LETM1: variants seen among roughly 807,000 people sequenced by gnomAD.
LETM1 encodes the protein leucine zipper and EF-hand containing transmembrane protein 1, also known as mitochondrial proton/calcium exchanger protein.
LETM1 carries 50 observed loss-of-function variants against 74.5 expected under a neutral mutation model. The observed-to-expected ratio is 0.67, with a 90% CI of 0.53 to 0.85. The LOEUF is 0.85. Ranked by LOEUF, LETM1 falls within the 40% of genes least tolerant of loss-of-function variation. The pLI is 0.00. For missense variants in LETM1, 824 were observed against 967.8 expected (o/e 0.85, Z 1.97); for synonymous variants, 446 against 407.1 (o/e 1.10, Z -1.15).
chr4:1,855,347 G>C (rs1337180362), intron 1 of LETM1, among the ~76,000 whole-genome samples: 2 of 152,160 alleles, frequency 1.3e-5, no homozygotes, highest in Non-Finnish European at 2.9e-5. Flanking sequence ...AGCGGCTCCG[G>C]AGTCCCCGTG....
chr4:1,822,490 C>G (rs1241434400), intron 9 of LETM1, 178 bp from the exon 10 acceptor site: 1 of 578,998 alleles, frequency 1.7e-6, no homozygotes, highest in East Asian at 3.5e-5. Context: ...GCCAGGTCAC[C>G]TGGGGCCCTC....
rs1279521860 is a variant in LETM1 at position 1,812,445 on chromosome 4, G to A, written c.*1979C>T. The A allele has an allele frequency of 6.7e-6, 1 of 149,644 alleles. No individual in the cohort carries two copies. The highest frequency in any genetic ancestry group is 1.5e-5 in the Non-Finnish European group (1 of 67,568). The allele number at this position is 149,644 out of a possible 1,614,324, so 9.3% of individuals were successfully genotyped here. A position where few individuals can be genotyped will look rare whatever the true frequency, so the allele number is the denominator to read the frequency against. ...CACTGAATTCCTAAATCAGGAATTCGTTTCATTTTCACCAGGCGCAGATAT... is the reference window on the plus strand; with the variant it reads ...CACTGAATTCCTAAATCAGGAATTCATTTCATTTTCACCAGGCGCAGATAT... On this transcript the variant is annotated 3_prime_UTR_variant, in exon 14 of 14. Transcript: ENST00000302787.
At chr4:1,851,255 T>A (rs893908518) in intron 1 of LETM1, among the ~76,000 whole-genome samples, 1 of 152,126 alleles carries the variant, frequency 6.6e-6, no homozygotes, top group Non-Finnish European at 1.5e-5. Flanking sequence ...GGTAGCACCC[T>A]GAGATGCCCA....
At chr4:1,820,808 G>A (rs1025677243) in intron 10 of LETM1, among the ~76,000 whole-genome samples, 2 of 152,172 alleles carry the variant, frequency 1.3e-5, no homozygotes, top group Non-Finnish European at 2.9e-5. Flanking sequence ...AGGATCACTT[G>A]AGGTCAGGAG....
chr4:1,821,189 T>C (rs923301737), intron 10 of LETM1, among the ~76,000 whole-genome samples: 3 of 151,106 alleles, frequency 2.0e-5, no homozygotes, highest in Admixed American at 6.6e-5. Flanking sequence ...GCCTCCCAGG[T>C]TCACACCATT....
intron 1 of LETM1, 34 bp downstream of exon 1, chr4:1,855,832 CGGG>C (rs1713222396): frequency 8.4e-7 from 1 of 1,183,750 alleles, no homozygotes; most frequent in African/African-American, 1.6e-5. Flanking sequence ...ACCCACCAGC[CGGG>C]AGCCGGCCCC....
rs748865529 is a variant in LETM1 at position 1,834,817 on chromosome 4, T to C, written c.876+28A>G. On this transcript the variant is annotated intron_variant, in intron 5 of 13. Transcript: ENST00000302787. The surrounding 1 kb of genome is among the most constrained non-coding windows in gnomAD (Gnocchi z 5.0). ...AATCAGGGAAGGCTCCCTGGTGAGG[T>C]CACAGGGACTCAGACGTATCACAGC... 2 of 1,612,670 alleles carry C rather than the reference T, an allele frequency of 1.2e-6. No homozygotes were observed. Among genetic ancestry groups the C allele is most frequent in the African/African-American group, 1.3e-5 (1 of 74,984 alleles).
intron 6 of LETM1, among the ~76,000 whole-genome samples, chr4:1,829,337 A>G (rs371348926): frequency 0.02 from 2,400 of 122,740 alleles, 57 homozygotes; most frequent in African/African-American, 0.059. Flanking sequence ...GCGGCTGGCC[A>G]GGCGGAGGGC....
chr4:1,815,611 C>A, intron 13 of LETM1, 53 bp downstream of exon 13: 2 of 1,602,432 alleles, frequency 1.2e-6, no homozygotes, highest in African/African-American at 1.3e-5. Flanking sequence ...CCCTGCCCCA[C>A]CCCACTCCAG....
At chr4:1,839,190 A>T (rs1270980152) in intron 3 of LETM1, 1 of 152,236 alleles carries the variant, frequency 6.6e-6, no homozygotes, top group East Asian at 1.9e-4. Context: ...AGGACAAACC[A>T]GGAGCCCCGA....
intron 13 of LETM1, among the ~76,000 whole-genome samples, chr4:1,815,316 C>T: frequency 6.6e-6 from 1 of 152,182 alleles, no homozygotes; most frequent in East Asian, 1.9e-4. Context: ...GAAGTGCCCC[C>T]AGGCTCCCTG....
At chr4:1,845,894 G>T (rs1358884616) in intron 2 of LETM1, among the ~76,000 whole-genome samples, 2 of 151,858 alleles carry the variant, frequency 1.3e-5, no homozygotes, top group Admixed American at 1.3e-4. Context: ...CTCTCCCTCA[G>T]TTGCCCAGGC....
chr4:1,811,523 A>G lies in LETM1; in HGVS notation c.*2901T>C, dbSNP rs1382201142. ...ATGTTTTAATAAAAATACGATTTCT[A>G]CAAAAGGTGCTTAACACGGCCCAGG... On this transcript the variant is annotated 3_prime_UTR_variant, in exon 14 of 14. Transcript: ENST00000302787. The G allele has an allele frequency of 1.3e-5, 2 of 152,400 alleles. No homozygotes were observed. The highest frequency in any genetic ancestry group is 6.5e-5 in the Admixed American group (1 of 15,294). 9.4% of individuals were successfully genotyped at this position (152,400 alleles called of 1,614,324 possible). A position where few individuals can be genotyped will look rare whatever the true frequency, so the allele number is the denominator to read the frequency against.
chr4:1,837,276 G>A (rs1324658382), intron 3 of LETM1, among the ~76,000 whole-genome samples: 1 of 152,124 alleles, frequency 6.6e-6, no homozygotes, highest in African/African-American at 2.4e-5. Context: ...CGCCCTGAGA[G>A]CAGCAATGTC....
intron 10 of LETM1, among the ~76,000 whole-genome samples, chr4:1,820,369 C>T (rs1711736313): frequency 6.6e-6 from 1 of 152,250 alleles, no homozygotes; most frequent in Non-Finnish European, 1.5e-5. Flanking sequence ...TCTCTGACTA[C>T]TCATTACCAT....
chr4:1,848,277 G>A lies in LETM1; in HGVS notation c.143+872C>T, dbSNP rs567676197. On this transcript the variant is annotated intron_variant, in intron 2 of 13. Transcript: ENST00000302787. ...AAATTAGCCAGGTGCGGCCGGACGC[G>A]GTGGCTCATGCCTGTAATCCCAGCA... 3.3e-5 allele frequency among the ~76,000 whole-genome samples: 5 copies of A among 152,090 alleles called. No individual in the cohort carries two copies. The South Asian group carries it at 6.2e-4, about 19-fold the overall frequency.
intron 2 of LETM1, among the ~76,000 whole-genome samples, chr4:1,847,225 C>G (rs553531748): frequency 3.4e-4 from 52 of 152,048 alleles, no homozygotes; most frequent in Admixed American, 3.1e-3. Flanking sequence ...CCTGTAGTCC[C>G]AGCTACTCAG....
chr4:1,826,243 G>A (rs1332807930), intron 6 of LETM1, among the ~76,000 whole-genome samples: 1 of 152,202 alleles, frequency 6.6e-6, no homozygotes, highest in Non-Finnish European at 1.5e-5. Flanking sequence ...GCAGATGCCG[G>A]CAACAGGGCT....
Position 1,841,769 on chromosome 4 carries a change from TG to T in LETM1, c.171del (p.Ile58SerfsTer18). 1 of 1,613,562 alleles carries T rather than the reference TG, an allele frequency of 6.2e-7. No homozygotes were observed. The highest frequency in any genetic ancestry group is 8.5e-7 in the Non-Finnish European group (1 of 1,179,930). ...CLNVPFGCCT[P>X]IHPVYTSSRG... Reference sequence around the variant, plus strand: ...CTGGAGGATGTGTACACAGGGTGGATGGGAGTGCAGCAGCCAAATGGAACAT... The same window carrying T: ...CTGGAGGATGTGTACACAGGGTGGATGGAGTGCAGCAGCCAAATGGAACAT... On this transcript the variant is annotated frameshift_variant, in exon 3 of 14. Transcript: ENST00000302787. LOFTEE classifies it high-confidence loss of function.
Sources: allele counts gnomAD v4.1 joint callset (sites outside exome capture counted in the v4.1 genomes callset), GRCh38; gene constraint gnomAD v4.1.1; non-coding constraint Gnocchi (gnomAD v3.1); transcripts MANE v1.5; gene names NCBI Gene and HGNC (gene_info 2026-07-23, HGNC 2026-07-21).